Variants in MFN2 observed in about 807,000 individuals in gnomAD.
MFN2 encodes mitofusin 2.
Under a neutral mutation model 87.5 loss-of-function variants are expected in MFN2, and 43 were observed. The observed-to-expected ratio is 0.49, with a 90% CI of 0.38 to 0.63. The LOEUF is 0.63. Ranked by LOEUF, MFN2 falls within the 30% of genes least tolerant of loss-of-function variation. The pLI, the probability that MFN2 is intolerant of heterozygous loss-of-function variation, is 0.00. For missense variants in MFN2, 743 were observed against 972.8 expected, an observed-to-expected ratio of 0.76 and a Z score of 3.14; for synonymous variants, 337 against 359.9, an observed-to-expected ratio of 0.94 and a Z score of 0.72.
chr1:11,998,098 G>A (rs1340444610), intron 6 of MFN2, among the ~76,000 whole-genome samples: 27 of 151,112 alleles, frequency 1.8e-4, no homozygotes, highest in Non-Finnish European at 2.4e-4. Flanking sequence ...TGGCCAGGCT[G>A]GTCTTGAACT....
intron 6 of MFN2, among the ~76,000 whole-genome samples, chr1:11,998,041 G>C (rs1282049655): frequency 6.6e-6 from 1 of 151,312 alleles, no homozygotes; most frequent in Admixed American, 6.6e-5. Flanking sequence ...CCGCCACCAT[G>C]CCTGGCTAAA....
At chr1:12,001,885 C>G (rs1639190668) in intron 10 of MFN2, 49 bp downstream of exon 10, 1 of 1,613,802 alleles carries the variant, frequency 6.2e-7, no homozygotes, top group Admixed American at 1.7e-5. Flanking sequence ...TCCCCAGCTC[C>G]CATTGGCTGT....
chr1:12,000,041 G>A (rs1639103707), intron 8 of MFN2, among the ~76,000 whole-genome samples: 1 of 151,722 alleles, frequency 6.6e-6, no homozygotes, highest in Non-Finnish European at 1.5e-5. Context: ...AGCTTGCAGT[G>A]AGCTGAGATT....
intron 11 of MFN2, 120 bp downstream of exon 11, chr1:12,002,223 G>C (rs1335201999): frequency 2.6e-5 from 40 of 1,536,840 alleles, no homozygotes. Context: ...CTCCCATCCA[G>C]AGCCCTTTCC....
In MFN2 at chr1:12,004,729, C is replaced by T. The variant is rs1055027473; in HGVS notation, c.1393-96C>T. Reference sequence around the variant, plus strand: ...CAGTAGAAGCCACAGAGACAAGGCCCAGGCTTCCGTCAGCCTTCTGGGGTC... The same window carrying T: ...CAGTAGAAGCCACAGAGACAAGGCCTAGGCTTCCGTCAGCCTTCTGGGGTC... On this transcript the variant is annotated intron_variant, in intron 13 of 18. Transcript: ENST00000235329. This position sits in a 1 kb window ranked among gnomAD's most constrained non-coding sequence, Gnocchi z 4.2. The T allele has an allele frequency of 1.0e-5, 15 of 1,493,340 alleles. No individual in the cohort carries two copies. Among genetic ancestry groups the T allele is most frequent in the African/African-American group, 1.4e-5 (1 of 72,522 alleles). 92.5% of individuals were successfully genotyped at this position (1,493,340 alleles called of 1,614,324 possible).
At chr1:12,005,206 C>T (rs1019416106) in intron 14 of MFN2, among the ~76,000 whole-genome samples, 1 of 152,168 alleles carries the variant, frequency 6.6e-6, no homozygotes, top group African/African-American at 2.4e-5. Context: ...TCCAGCGTCC[C>T]GAGTAGCTGC....
intron 4 of MFN2, among the ~76,000 whole-genome samples, 167 bp downstream of exon 4, chr1:11,992,857 G>C (rs1162622599): frequency 6.6e-6 from 1 of 151,646 alleles, no homozygotes; most frequent in Non-Finnish European, 1.5e-5. Flanking sequence ...AGGGTTCTCT[G>C]TCACCCAGGC....
In MFN2 at chr1:11,999,051, A is replaced by C; in HGVS notation, c.772A>C (p.Asn258His). Residue 258 changes from asparagine to histidine, a missense_variant, in exon 8 of 19, where the codon AAC (asparagine) becomes CAC (histidine). Asn to His is a moderately conservative substitution (Grantham distance 68). Transcript: ENST00000235329. ...CCGGCCAAACATCTTCATCCTGAACAACCGCTGGGATGCATCTGCCTCAGA... is the reference window on the plus strand; with the variant it reads ...CCGGCCAAACATCTTCATCCTGAACCACCGCTGGGATGCATCTGCCTCAGA... ...LSRPNIFILN[N>H]RWDASASEPE... The C allele has an allele frequency of 6.2e-7, 1 of 1,614,162 alleles. No homozygotes were observed. The highest frequency in any genetic ancestry group is 1.3e-5 in the African/African-American group (1 of 75,030).
chr1:12,006,063 C>G (rs1639402440), intron 15 of MFN2, 132 bp downstream of exon 15: 1 of 769,638 alleles, frequency 1.3e-6, no homozygotes, highest in Admixed American at 2.4e-5. Context: ...CCACACAGTA[C>G]ACCACAGACA....
intron 4 of MFN2, among the ~76,000 whole-genome samples, chr1:11,993,769 A>G (rs1049710517): frequency 6.6e-6 from 1 of 151,720 alleles, no homozygotes; most frequent in African/African-American, 2.4e-5. Flanking sequence ...TAAGTTAAAT[A>G]CGTGTTTTTT....
At position 12,004,525 on chromosome 1, in the gene MFN2, C is replaced by G. The variant is rs1030984908; in HGVS notation, c.1304C>G (p.Ala435Gly). The change falls in exon 13 of 19, where the codon GCC becomes GGC. Residue 435 changes from alanine (A) to glycine (G), a missense_variant. By Grantham distance (60) the Ala-to-Gly change is moderately conservative. This residue lies in a region of MFN2 where 571 missense variants were observed against 670.7 expected (regional missense o/e 0.85). Transcript: ENST00000235329. The surrounding 1 kb of genome is among the most constrained non-coding windows in gnomAD (Gnocchi z 4.2). ...EVERQVSTAMAEEIRRLSVLV... is the reference protein window; with the variant it reads ...EVERQVSTAMGEEIRRLSVLV... ...TTGCTGTAGGTGTCGACTGCAATGG[C>G]CGAGGAGATCAGGCGCCTCTCTGTA... 1.4e-5 allele frequency: 23 copies of G among 1,614,002 alleles called. No homozygotes were observed. The highest frequency in any genetic ancestry group is 1.9e-5 in the Non-Finnish European group (23 of 1,180,016).
At chr1:12,006,290 G>C (rs953786470) in intron 15 of MFN2, among the ~76,000 whole-genome samples, 1 of 152,172 alleles carries the variant, frequency 6.6e-6, no homozygotes, top group East Asian at 1.9e-4. Flanking sequence ...ACTGCCCTCT[G>C]TACACATCCC....
chr1:11,985,455 C>CTTTT lies in MFN2; in HGVS notation c.-5+3365_-5+3368dup, dbSNP rs774330626. The stretch of plus-strand genomic sequence containing the variant: ...CTATATCATGCCCCATCCTTGATCC[C>CTTTT]TTTTTTTTTTTTTTTTTTTTTTTTT... On this transcript the variant is annotated intron_variant, in intron 2 of 18. Transcript: ENST00000235329. Among the ~76,000 whole-genome samples, 23 of 119,706 alleles carry CTTTT rather than the reference C, an allele frequency of 1.9e-4. 1 individual carries two copies. The highest frequency in any genetic ancestry group is 8.3e-4 in the African/African-American group (22 of 26,634). 78.5% of individuals were successfully genotyped at this position (119,706 alleles called of 152,430 possible).
chr1:12,001,615 G>A, intron 9 of MFN2, 61 bp downstream of exon 9: 1 of 1,612,272 alleles, frequency 6.2e-7, no homozygotes, highest in Non-Finnish European at 8.5e-7. Context: ...GTCTCGTGCT[G>A]AGGAGTCTGT....
At chr1:11,996,849 C>A (rs1638928986) in intron 5 of MFN2, among the ~76,000 whole-genome samples, 1 of 152,076 alleles carries the variant, frequency 6.6e-6, no homozygotes, top group Non-Finnish European at 1.5e-5. Flanking sequence ...ACCAGCCTGG[C>A]CAACATGGTG....
At chr1:12,006,393 C>A in intron 15 of MFN2, 145 bp from the exon 16 acceptor site, 1 of 1,093,280 alleles carries the variant, frequency 9.1e-7, no homozygotes, top group Non-Finnish European at 1.3e-6. Flanking sequence ...TCTGCTACAT[C>A]TGAAGCTAGT....
intron 2 of MFN2, among the ~76,000 whole-genome samples, chr1:11,985,487 A>G (rs1638361247): frequency 8.5e-6 from 1 of 117,652 alleles, no homozygotes; most frequent in Non-Finnish European, 1.7e-5. Flanking sequence ...TTTTTTAAAG[A>G]GAGAGACTTC....
intron 17 of MFN2, among the ~76,000 whole-genome samples, chr1:12,007,701 A>G (rs1639482135): frequency 6.6e-6 from 1 of 151,208 alleles, no homozygotes; most frequent in Non-Finnish European, 1.5e-5. Flanking sequence ...TGCTCTAGAC[A>G]TTTTGCACCT....
At chr1:11,982,940 A>G (rs965602298) in intron 2 of MFN2, among the ~76,000 whole-genome samples, 10 of 152,236 alleles carry the variant, frequency 6.6e-5, no homozygotes, top group Admixed American at 6.5e-5. Flanking sequence ...TGAAATGCTG[A>G]ATTCAACACA....
Sources: allele counts gnomAD v4.1 joint callset (sites outside exome capture counted in the v4.1 genomes callset), GRCh38; gene constraint gnomAD v4.1.1; regional missense constraint gnomAD v4.1.1; non-coding constraint Gnocchi (gnomAD v3.1); transcripts MANE v1.5; gene names NCBI Gene and HGNC (gene_info 2026-07-23, HGNC 2026-07-21).